Variants in PCGF3 observed in about 807,000 individuals in gnomAD.
PCGF3 encodes the protein polycomb group RING finger protein 3.
A neutral mutation model predicts 33.1 loss-of-function variants in PCGF3; 7 were observed. That is an observed-to-expected ratio of 0.21 (90% confidence interval 0.12 to 0.40). The LOEUF (loss-of-function observed/expected upper bound fraction) is 0.40. Among genes scored for constraint, PCGF3 ranks in the 10% least tolerant of loss-of-function variants. The pLI is 1.00. For synonymous variants in PCGF3, 153 were observed against 121.3 expected (o/e 1.26, Z -1.72); for missense variants, 211 against 313.3 (o/e 0.67, Z 2.46).
chr4:714,388 G>A (rs184374719), intron 1 of PCGF3, among the ~76,000 whole-genome samples: 116 of 152,314 alleles, frequency 7.6e-4, no homozygotes, highest in Non-Finnish European at 1.5e-4. Context: ...GAGCGGCTCC[G>A]GACAGGAGCC....
At chr4:762,115 TG>T (rs1443411908) in intron 9 of PCGF3, 23 of 984,514 alleles carry the variant, frequency 2.3e-5, no homozygotes, top group Non-Finnish European at 2.8e-5. Context: ...GACTCAGTGG[TG>T]GCCCCAGAAG....
intron 8 of PCGF3, among the ~76,000 whole-genome samples, chr4:750,532 C>T (rs897004616): frequency 1.5e-4 from 23 of 152,228 alleles, no homozygotes; most frequent in Non-Finnish European, 2.5e-4. Context: ...AAGTGACCTA[C>T]CTCTGCCTCA....
Position 760,657 on chromosome 4 carries a change from G to A in PCGF3, c.463-622G>A, listed in dbSNP as rs78376528. Among the ~76,000 whole-genome samples, 96 of 152,306 alleles carry A rather than the reference G, an allele frequency of 6.3e-4. 1 individual carries two copies. In the East Asian group the frequency reaches 0.018, roughly 28 times the overall value. Reference sequence around the variant, plus strand: ...TGTAGAAGCGTTTGCCGTGAGCGTCGCCCTTCCTTGTCAGGCACATCTTGG... The same window carrying A: ...TGTAGAAGCGTTTGCCGTGAGCGTCACCCTTCCTTGTCAGGCACATCTTGG... On this transcript the variant is annotated intron_variant, in intron 8 of 10. Coordinates refer to ENST00000362003, the Ensembl canonical transcript of PCGF3.
At chr4:725,574 G>A (rs1318791090) in intron 1 of PCGF3, among the ~76,000 whole-genome samples, 4 of 135,432 alleles carry the variant, frequency 3.0e-5, no homozygotes, top group Admixed American at 2.9e-4. Context: ...GTGGGCTGCC[G>A]AAGGCTGCTG....
intron 6 of PCGF3, among the ~76,000 whole-genome samples, chr4:742,393 A>C (rs1258673867): frequency 6.6e-6 from 1 of 152,172 alleles, no homozygotes; most frequent in East Asian, 1.9e-4. Context: ...GGCCGAGCTC[A>C]TGGTATGTAG....
chr4:716,716 A>C (rs36107174), intron 1 of PCGF3, among the ~76,000 whole-genome samples: 1 of 59,962 alleles, frequency 1.7e-5, no homozygotes, highest in African/African-American at 7.3e-5. Context: ...TGGGACCCTG[A>C]AGACACTGAG....
At chr4:737,437 C>T in intron 5 of PCGF3, 29 bp from the exon 6 acceptor site, 2 of 1,501,284 alleles carry the variant, frequency 1.3e-6, no homozygotes, top group South Asian at 1.1e-5. Context: ...ACATTTCCAG[C>T]TAACTCCACC....
chr4:748,337 C>G (rs1744361142), intron 8 of PCGF3, among the ~76,000 whole-genome samples: 3 of 151,946 alleles, frequency 2.0e-5, no homozygotes, highest in African/African-American at 7.2e-5. Context: ...GTAGCTGGGA[C>G]TACAGGCACC....
chr4:720,829 G>A lies in PCGF3; in HGVS notation c.-189-9801G>A, dbSNP rs1276459166. Among the ~76,000 whole-genome samples, 1 of 152,214 alleles carries A rather than the reference G, an allele frequency of 6.6e-6. No individual in the cohort carries two copies. Among genetic ancestry groups the A allele is most frequent in the Non-Finnish European group, 1.5e-5 (1 of 68,038 alleles). ...GCAGAGGGTGAGGCTCGGCTCTGCT[G>A]TCAGGAGGACATGTCAGACTTCTGT... On this transcript the variant is annotated intron_variant, in intron 1 of 10. Coordinates refer to ENST00000362003, the Ensembl canonical transcript of PCGF3. This position sits in a 1 kb window ranked among gnomAD's most constrained non-coding sequence, Gnocchi z 5.6.
intron 1 of PCGF3, among the ~76,000 whole-genome samples, chr4:715,704 G>A (rs1405617999): frequency 1.6e-5 from 2 of 124,578 alleles, no homozygotes; most frequent in Non-Finnish European, 3.4e-5. Flanking sequence ...TCGGTGCTGG[G>A]ACCCTGTAGA....
chr4:761,773 G>C, intron 9 of PCGF3: 1 of 985,438 alleles, frequency 1.0e-6, no homozygotes, highest in African/African-American at 1.7e-5. Context: ...CTTCCAGGCT[G>C]TGGTGTGTAA....
chr4:764,594 C>T (rs927910786), intron 9 of PCGF3: 35 of 174,710 alleles, frequency 2.0e-4, no homozygotes, highest in Admixed American at 1.9e-3. Context: ...GTGTGGTAGA[C>T]AGGGTGTGAT....
Position 728,347 on chromosome 4 carries a change from C to T in PCGF3, c.-189-2283C>T, listed in dbSNP as rs1205681414. On this transcript the variant is annotated intron_variant, in intron 1 of 10. Transcript: ENST00000362003. ...AGTGTCGTAAGTAATCTGGGGATGGCGTAGAGTGCGTGGGGGGTGGCGTGC... is the reference window on the plus strand; with the variant it reads ...AGTGTCGTAAGTAATCTGGGGATGGTGTAGAGTGCGTGGGGGGTGGCGTGC... Among the ~76,000 whole-genome samples the T allele has an allele frequency of 3.3e-5, 5 of 149,546 alleles. No individual in the cohort carries two copies. In the South Asian group the frequency reaches 6.3e-4, roughly 19 times the overall value.
intron 1 of PCGF3, among the ~76,000 whole-genome samples, chr4:715,968 CCCT>C (rs1742813202): frequency 8.7e-6 from 1 of 114,832 alleles, no homozygotes; most frequent in Non-Finnish European, 1.9e-5. Flanking sequence ...GGTGCTGGGA[CCCT>C]GAAGACACTG....
chr4:769,501 ATT>A (rs1390286989), exon 11 of PCGF3: 2 of 152,714 alleles, frequency 1.3e-5, no homozygotes, highest in Non-Finnish European at 2.9e-5. Flanking sequence ...TGATCAATGT[ATT>A]TCTCTGCCTT....
At chr4:734,895 A>G in intron 4 of PCGF3, 36 bp from the exon 5 acceptor site, 1 of 1,603,818 alleles carries the variant, frequency 6.2e-7, no homozygotes, top group Non-Finnish European at 8.5e-7. Flanking sequence ...CCCTGGCTCT[A>G]GACGCTCTCC....
At chr4:748,387 A>G (rs1290558361) in intron 8 of PCGF3, among the ~76,000 whole-genome samples, 1 of 152,052 alleles carries the variant, frequency 6.6e-6, no homozygotes, top group Non-Finnish European at 1.5e-5. Flanking sequence ...TTTAGTAGTG[A>G]CAGGGTTTCA....
chr4:723,096 G>T (rs1743182303), intron 1 of PCGF3, among the ~76,000 whole-genome samples: 1 of 149,580 alleles, frequency 6.7e-6, no homozygotes, highest in South Asian at 2.1e-4. Flanking sequence ...ACCCGCGCCG[G>T]GTCCACACTC....
chr4:722,770 G>A (rs1239387919), intron 1 of PCGF3, among the ~76,000 whole-genome samples: 1 of 80,924 alleles, frequency 1.2e-5, no homozygotes, highest in African/African-American at 5.9e-5. Context: ...CGCCATCCAC[G>A]CCGGGTCCAC....
Sources: allele counts gnomAD v4.1 joint callset (sites outside exome capture counted in the v4.1 genomes callset), GRCh38; gene constraint gnomAD v4.1.1; non-coding constraint Gnocchi (gnomAD v3.1); transcripts MANE v1.5; gene names NCBI Gene and HGNC (gene_info 2026-07-23, HGNC 2026-07-21).